Variants in PTRH1 observed in about 807,000 individuals in gnomAD.
The protein encoded by PTRH1 is peptidyl-tRNA hydrolase.
Under a neutral mutation model 15.7 loss-of-function variants are expected in PTRH1, and 13 were observed. The ratio of observed to expected loss-of-function variants is 0.83; its 90% CI spans 0.54 to 1.31. The LOEUF is 1.31. Among genes scored for constraint, PTRH1 ranks in the 40% most tolerant of loss-of-function variants. The pLI is 0.00. For synonymous variants in PTRH1, 139 were observed against 136.7 expected (o/e 1.02, Z -0.12); for missense variants, 319 against 296.2 (o/e 1.08, Z -0.56).
At chr9:127,696,437 G>T (rs1842560455) in intron 1 of PTRH1, among the ~76,000 whole-genome samples, 1 of 152,212 alleles carries the variant, frequency 6.6e-6, no homozygotes, top group African/African-American at 2.4e-5. Flanking sequence ...GCCATTATTA[G>T]CCCTATTTAC....
chr9:127,707,297 C>A, intron 1 of PTRH1: 4 of 1,260,132 alleles, frequency 3.2e-6, no homozygotes, highest in Non-Finnish European at 4.4e-6. Flanking sequence ...GTGTTCTGAC[C>A]TCCCCTGGGA....
chr9:127,697,860 A>G (rs1842573952), intron 1 of PTRH1, among the ~76,000 whole-genome samples: 1 of 152,236 alleles, frequency 6.6e-6, no homozygotes, highest in Non-Finnish European at 1.5e-5. Context: ...GTGCTCAGAT[A>G]GTGCTTGCTC....
At chr9:127,696,887 A>G (rs1193578063) in intron 1 of PTRH1, among the ~76,000 whole-genome samples, 1 of 152,198 alleles carries the variant, frequency 6.6e-6, no homozygotes, top group African/African-American at 2.4e-5. Flanking sequence ...CATTCTCGGT[A>G]TAAGCAGACA....
At chr9:127,713,299 G>C (rs993202062), downstream of PTRH1, 1 of 976,984 alleles carries the variant, frequency 1.0e-6, no homozygotes, top group Admixed American at 3.0e-5. Context: ...GTGGCCCTGG[G>C]GATGTAACCA....
chr9:127,711,402 A>C, downstream of PTRH1: 2 of 1,614,208 alleles, frequency 1.2e-6, no homozygotes, highest in Non-Finnish European at 1.7e-6. Context: ...GAGAATGAGC[A>C]GCTCAAGGGA....
intron 1 of PTRH1, among the ~76,000 whole-genome samples, chr9:127,708,691 G>T (rs1842700072): frequency 6.6e-6 from 1 of 152,180 alleles, no homozygotes; most frequent in African/African-American, 2.4e-5. Flanking sequence ...CAAGCCCTGG[G>T]AATACAGAGG....
At chr9:127,706,497 G>A (rs1259304620) in intron 1 of PTRH1, among the ~76,000 whole-genome samples, 1 of 152,196 alleles carries the variant, frequency 6.6e-6, no homozygotes, top group Non-Finnish European at 1.5e-5. Flanking sequence ...GGGCTGGTGG[G>A]GAACACAGGC....
At chr9:127,704,505 CAAA>C (rs374789277) in intron 1 of PTRH1, among the ~76,000 whole-genome samples, 2 of 50,450 alleles carry the variant, frequency 4.0e-5, no homozygotes, top group Admixed American at 2.0e-4. Context: ...GACACTGTCT[CAAA>C]AAAAAAAAAA....
chr9:127,699,507 C>T (rs991064788), intron 1 of PTRH1, among the ~76,000 whole-genome samples: 1 of 152,144 alleles, frequency 6.6e-6, no homozygotes, highest in African/African-American at 2.4e-5. Flanking sequence ...GCGGGGGTTC[C>T]TGGAGTAAGA....
intron 1 of PTRH1, among the ~76,000 whole-genome samples, chr9:127,707,468 C>A (rs1842673137): frequency 6.6e-6 from 1 of 152,192 alleles, no homozygotes; most frequent in Non-Finnish European, 1.5e-5. Flanking sequence ...CCCACGTCCC[C>A]CTGCCTCACT....
At position 127,696,884 on chromosome 9, in the gene PTRH1, G is replaced by A. The variant is rs915375890; in HGVS notation, c.206-1743C>T. ...CCATCTCAAAAAACAAAACATTCTCGGTATAAGCAGACAGTGGGATTCCAG... is the reference window on the plus strand; with the variant it reads ...CCATCTCAAAAAACAAAACATTCTCAGTATAAGCAGACAGTGGGATTCCAG... On this transcript the variant is annotated intron_variant, in intron 1 of 2. Coordinates refer to the PTRH1 transcript ENST00000335223. Among the ~76,000 whole-genome samples, 10 of 152,110 alleles carry A rather than the reference G, an allele frequency of 6.6e-5. No homozygotes were observed. In the East Asian group the frequency reaches 7.7e-4, roughly 12 times the overall value.
chr9:127,704,636 C>CT (rs1373589139), intron 1 of PTRH1, among the ~76,000 whole-genome samples: 1 of 152,128 alleles, frequency 6.6e-6, no homozygotes, highest in Non-Finnish European at 1.5e-5. Context: ...AGATCTGCCT[C>CT]TTAGACTGGA....
At chr9:127,701,842 A>G (rs1842605652) in intron 1 of PTRH1, among the ~76,000 whole-genome samples, 1 of 151,834 alleles carries the variant, frequency 6.6e-6, no homozygotes, top group Non-Finnish European at 1.5e-5. Context: ...TGAACCTAGT[A>G]GGCAGAGGTT....
chr9:127,709,420 A>C, downstream of PTRH1: 1 of 1,612,682 alleles, frequency 6.2e-7, no homozygotes, highest in African/African-American at 1.3e-5. The surrounding 1 kb of genome is among the most constrained non-coding windows in gnomAD (Gnocchi z 4.7). Context: ...CCCCTGCCCC[A>C]GGTACCAGCG....
At chr9:127,712,628 G>A (rs1372843486), downstream of PTRH1, 6 of 1,609,840 alleles carry the variant, frequency 3.7e-6, no homozygotes, top group African/African-American at 8.0e-5. Context: ...CGTGGAAATG[G>A]GCACTGAGGT....
intron 1 of PTRH1, among the ~76,000 whole-genome samples, chr9:127,700,124 C>G (rs767755877): frequency 2.9e-4 from 44 of 152,116 alleles, no homozygotes; most frequent in Non-Finnish European, 6.0e-4. Context: ...TTGGAACCTG[C>G]GCTTCTGCTG....
At chr9:127,714,804 A>G in intron 2 of PTRH1, 102 bp from the exon 3 acceptor site, 2 of 1,149,384 alleles carry the variant, frequency 1.7e-6, no homozygotes, top group Non-Finnish European at 2.5e-6. Context: ...CACTTCACAT[A>G]TAAAGAAACT....
rs1412180895 is a variant in PTRH1 at position 127,714,843 on chromosome 9, C to G, written c.316+132G>C. 3 of 1,030,192 alleles carry G rather than the reference C, an allele frequency of 2.9e-6. No homozygotes were observed. In the East Asian group the frequency reaches 7.8e-5, roughly 27 times the overall value. The allele number at this position is 1,030,192 out of a possible 1,614,324, so 63.8% of individuals were successfully genotyped here. On this transcript the variant is annotated intron_variant, in intron 2 of 4. Coordinates refer to ENST00000543175, the MANE Select transcript of PTRH1 (RefSeq NM_001002913.3). Reference sequence around the variant, plus strand: ...GCCCCCCGAAGTACCCAAAGCCATGCAGCAACTGGAGCTCAACAGGTACTT... The same window carrying G: ...GCCCCCCGAAGTACCCAAAGCCATGGAGCAACTGGAGCTCAACAGGTACTT...
downstream of PTRH1, chr9:127,710,872 C>A: frequency 1.8e-6 from 2 of 1,138,054 alleles, no homozygotes; most frequent in Non-Finnish European, 2.5e-6. Context: ...CTGACCGCCG[C>A]CCCGACAACC....
Sources: gnomAD v4.1 joint callset for allele counts (sites outside exome capture counted in the v4.1 genomes callset) on GRCh38, gnomAD v4.1.1 for gene constraint, Gnocchi (gnomAD v3.1) non-coding constraint, MANE v1.5 for transcripts, NCBI Gene and HGNC (gene_info 2026-07-23, HGNC 2026-07-21) for gene names.